The following PODN variants were observed in gnomAD, a reference collection of about 807,000 sequenced individuals.
PODN encodes the protein podocan proteoglycan.
Under a neutral mutation model 52.7 loss-of-function variants are expected in PODN, and 40 were observed. That is an observed-to-expected ratio of 0.76 (90% CI 0.59 to 0.99). The LOEUF (loss-of-function observed/expected upper bound fraction) is 0.99. Among genes scored for constraint, PODN ranks in the 50% least tolerant of loss-of-function variants. PODN has a pLI of 0.00. For synonymous variants in PODN, 396 were observed against 377.9 expected (o/e 1.05, Z -0.56); for missense variants, 720 against 815.1 (o/e 0.88, Z 1.42).
intron 6 of PODN, 25 bp downstream of exon 6, chr1:53,077,371 GGCACA>G: frequency 1.2e-6 from 2 of 1,610,968 alleles, no homozygotes; most frequent in South Asian, 2.2e-5. Context: ...GGTAAGGAGG[GGCACA>G]GCAGACCCCA....
Position 53,077,235 on chromosome 1 carries a change from G to A in PODN, c.627G>A (p.Pro209=), listed in dbSNP as rs756802103. 1.0e-4 allele frequency: 168 copies of A among 1,613,366 alleles called. No individual in the cohort carries two copies. Among genetic ancestry groups the A allele is most frequent in the Non-Finnish European group, 1.4e-4 (160 of 1,180,036 alleles). Residue 209 remains proline, a synonymous_variant, in exon 6 of 11, where the codon CCG becomes CCA. Transcript: ENST00000312553. ...ACAAGCTGGCAGACGCCGGGCTGCC[G>A]GACAACATGTTCAACGGCTCCAGCA... ...HNNKLADAGL[P]DNMFNGSSNV... is the part of the protein sequence containing the mutation.
At chr1:53,075,747 T>C (rs1021050564) in intron 4 of PODN, 115 bp from the exon 5 acceptor site, 23 of 773,600 alleles carry the variant, frequency 3.0e-5, no homozygotes, top group Non-Finnish European at 3.7e-5. Context: ...TTGAGAAAGA[T>C]GGCCTGGTTG....
intron 2 of PODN, chr1:53,071,247 C>T (rs1644112327): frequency 2.0e-5 from 6 of 293,972 alleles, no homozygotes; most frequent in Middle Eastern, 9.4e-4. Flanking sequence ...TCCAGGAGCA[C>T]GCCTGGAGGA....
chr1:53,081,311 G>A lies in PODN; in HGVS notation c.1661+435G>A, dbSNP rs1644292334. On this transcript the variant is annotated intron_variant, in intron 9 of 10. Coordinates refer to ENST00000312553, the MANE Select transcript of PODN (RefSeq NM_153703.5). ...GGGGGATGCAGCTCCCTGAGGATAT[G>A]AGGGGCTTCCATGCAGCAGAGCCAG... Among the ~76,000 whole-genome samples the A allele has an allele frequency of 3.9e-5, 6 of 152,238 alleles. No homozygotes were observed. The South Asian group carries it at 1.2e-3, about 32-fold the overall frequency.
chr1:53,076,336 C>T (rs888916175), intron 5 of PODN, among the ~76,000 whole-genome samples: 6 of 152,150 alleles, frequency 3.9e-5, no homozygotes. Context: ...GGGGGGCTGC[C>T]GGGGAGCCGC....
chr1:53,063,641 A>G (rs560509710), intron 1 of PODN: 1 of 923,048 alleles, frequency 1.1e-6, no homozygotes, highest in South Asian at 5.0e-5. Context: ...CCTCATGTCC[A>G]CTCTTAGGGC....
chr1:53,075,782 C>A, intron 4 of PODN, 80 bp from the exon 5 acceptor site: 3 of 1,244,134 alleles, frequency 2.4e-6, no homozygotes, highest in Non-Finnish European at 3.4e-6. Flanking sequence ...GAAGGGGCCC[C>A]GGTGGGCAGC....
At position 53,082,128 on chromosome 1, in the gene PODN, A is replaced by AGAG. The variant is rs745517558; in HGVS notation, c.1824_1826dup (p.Glu611dup). 53 of 1,610,432 alleles carry AGAG rather than the reference A, an allele frequency of 3.3e-5. No individual in the cohort carries two copies. Among genetic ancestry groups the AGAG allele is most frequent in the East Asian group, 1.3e-4 (6 of 44,614 alleles). On this transcript the variant is annotated inframe_insertion, in exon 10 of 11. Transcript: ENST00000312553. ...TGGGGAAGGAAAAGGAGGAGGAGGA[A>AGAG]GAGGAGGAGGAGGAGGAAGAGGAAA... is the stretch of plus-strand genomic sequence containing the variant.
chr1:53,069,295 G>C (rs1644075985), intron 1 of PODN, among the ~76,000 whole-genome samples: 1 of 152,212 alleles, frequency 6.6e-6, no homozygotes, highest in South Asian at 2.1e-4. Context: ...ATGTGCAAAG[G>C]CCTGGAGGGA....
chr1:53,063,644 C>T (rs1643992365), intron 1 of PODN: 2 of 913,272 alleles, frequency 2.2e-6, no homozygotes, highest in South Asian at 1.0e-4. Context: ...CATGTCCACT[C>T]TTAGGGCCCA....
intron 8 of PODN, among the ~76,000 whole-genome samples, chr1:53,080,526 T>C (rs1389459231): frequency 1.3e-5 from 2 of 152,110 alleles, no homozygotes; most frequent in African/African-American, 2.4e-5. Context: ...CTTTTATAGG[T>C]TATGTGACCT....
In PODN at chr1:53,078,862, G is replaced by C; in HGVS notation, c.1352G>C (p.Arg451Pro). Residue 451 changes from arginine (R) to proline (P), a missense_variant, in exon 8 of 11, where the codon CGA becomes CCA. By Grantham distance (103) the Arg-to-Pro change is moderately radical (BLOSUM62 -2). Transcript: ENST00000312553. ...CACACGCTGCCACCTGGGCTGCCTCGAAATGTCCATGTGCTGAAGGTCAAG... is the reference window on the plus strand; with the variant it reads ...CACACGCTGCCACCTGGGCTGCCTCCAAATGTCCATGTGCTGAAGGTCAAG... Reference protein sequence around the residue: ...RLHTLPPGLPRNVHVLKVKRN... With the variant: ...RLHTLPPGLPPNVHVLKVKRN... The C allele has an allele frequency of 6.2e-7, 1 of 1,612,652 alleles. No individual in the cohort carries two copies. Among genetic ancestry groups the C allele is most frequent in the Non-Finnish European group, 8.5e-7 (1 of 1,179,630 alleles).
chr1:53,072,579 AC>A (rs142117865), intron 3 of PODN, among the ~76,000 whole-genome samples: 5,452 of 152,086 alleles, frequency 0.036, 186 homozygotes, highest in East Asian at 0.18. Flanking sequence ...GGCCTGGACA[AC>A]CCCGGTGCCC....
chr1:53,064,080 A>G (rs982845127), intron 1 of PODN, among the ~76,000 whole-genome samples: 1 of 152,120 alleles, frequency 6.6e-6, no homozygotes, highest in Admixed American at 6.5e-5. Flanking sequence ...GAAGACCCAC[A>G]TTTTACTCTT....
chr1:53,072,962 T>C (rs550734789), intron 3 of PODN: 2 of 204,622 alleles, frequency 9.8e-6, no homozygotes, highest in Admixed American at 9.1e-5. Context: ...CTCAGGAGGC[T>C]GAGGCAGAAG....
rs1265463294 is a variant in PODN at position 53,078,803 on chromosome 1, G to A, written c.1293G>A (p.Leu431=). The A allele has an allele frequency of 2.5e-6, 4 of 1,612,966 alleles. No individual in the cohort carries two copies. The African/African-American group carries it at 4.0e-5, about 16-fold the overall frequency. ...GCGACGCCTTCCGCAAGCTGCGCCT[G>A]CTGCGCTCGCTGGACCTGTCGGGCA... ...VHRDAFRKLR[L]LRSLDLSGNR... The change falls in exon 8 of 11, where the codon CTG becomes CTA. Residue 431 remains leucine, a synonymous_variant. Coordinates refer to ENST00000312553, the MANE Select transcript of PODN (RefSeq NM_153703.5).
At chr1:53,065,670 A>G (rs1454689845) in intron 1 of PODN, among the ~76,000 whole-genome samples, 1 of 152,164 alleles carries the variant, frequency 6.6e-6, no homozygotes, top group Non-Finnish European at 1.5e-5. Context: ...CTCGTCTTCC[A>G]GTGATAAGGA....
At position 53,080,762 on chromosome 1, in the gene PODN, T is replaced by A. The variant is rs1557658371; in HGVS notation, c.1547T>A (p.Ile516Asn). ...ATCGCCGGGAATCAGCTCACAGAGATCCCCGAGGGGCTCCCCGAGTCACTT... is the reference window on the plus strand; with the variant it reads ...ATCGCCGGGAATCAGCTCACAGAGAACCCCGAGGGGCTCCCCGAGTCACTT... ...LDIAGNQLTE[I>N]PEGLPESLEY... The change falls in exon 9 of 11, where the codon ATC becomes AAC. Residue 516 changes from isoleucine (I) to asparagine (N), a missense_variant. Ile to Asn is a moderately radical substitution (Grantham distance 149). Coordinates refer to ENST00000312553, the MANE Select transcript of PODN (RefSeq NM_153703.5). 4 of 1,613,944 alleles carry A rather than the reference T, an allele frequency of 2.5e-6. No individual in the cohort carries two copies. Among genetic ancestry groups the A allele is most frequent in the Admixed American group, 3.3e-5 (2 of 60,004 alleles).
chr1:53,071,639 A>AC lies in PODN; in HGVS notation c.406+14dup. The AC allele has an allele frequency of 6.2e-7, 1 of 1,609,034 alleles. No individual in the cohort carries two copies. The highest frequency in any genetic ancestry group is 8.5e-7 in the Non-Finnish European group (1 of 1,175,950). On this transcript the variant is annotated intron_variant, in intron 3 of 10. Transcript: ENST00000312553. Reference sequence around the variant, plus strand: ...GCCTGACTTCCCGAGGTGAGGGGCCACCCAGAGCCCAGGGTCAGGGACACC... The same window carrying AC: ...GCCTGACTTCCCGAGGTGAGGGGCCACCCCAGAGCCCAGGGTCAGGGACACC...
Sources: allele counts gnomAD v4.1 joint callset (sites outside exome capture counted in the v4.1 genomes callset), GRCh38; gene constraint gnomAD v4.1.1; transcripts MANE v1.5; gene names NCBI Gene and HGNC (gene_info 2026-07-23, HGNC 2026-07-21).